The following DZANK1 variants were observed in gnomAD, a reference collection of about 807,000 sequenced individuals.
The protein encoded by DZANK1 is double zinc ribbon and ankyrin repeat domains 1, also known as double zinc ribbon and ankyrin repeat-containing protein 1.
In DZANK1, 91 loss-of-function variants were observed where a neutral mutation model predicts 94.5. That is an observed-to-expected ratio of 0.96 (90% CI 0.81 to 1.15). The LOEUF (loss-of-function observed/expected upper bound fraction) is 1.15. Ranked by LOEUF, DZANK1 falls within the 50% of genes most tolerant of loss-of-function variation. DZANK1 has a pLI of 0.00. For synonymous variants in DZANK1, 312 were observed against 325.3 expected (o/e 0.96, Z 0.44); for missense variants, 903 against 916.4 (o/e 0.99, Z 0.19).
chr20:18,414,729 C>T (rs1019123079), intron 11 of DZANK1, among the ~76,000 whole-genome samples: 7 of 152,318 alleles, frequency 4.6e-5, no homozygotes, highest in Middle Eastern at 3.4e-3. Context: ...AAACAACACA[C>T]ATGTCCAGCA....
intron 15 of DZANK1, among the ~76,000 whole-genome samples, chr20:18,396,077 G>A (rs1301071591): frequency 6.6e-6 from 1 of 152,194 alleles, no homozygotes; most frequent in East Asian, 1.9e-4. Context: ...CAGGCTCTGT[G>A]GCAATGCCCC....
In DZANK1 at chr20:18,394,497, T is replaced by A. The variant is rs2056216180; in HGVS notation, c.1612-147A>T. On this transcript the variant is annotated intron_variant, in intron 15 of 20. Transcript: ENST00000262547. ...GAGCCTGAGACCTGGATGTCCTTCCTGACTCCTCCTCACCTCCCCAGCATG... is the reference window on the plus strand; with the variant it reads ...GAGCCTGAGACCTGGATGTCCTTCCAGACTCCTCCTCACCTCCCCAGCATG... 3 of 801,252 alleles carry A rather than the reference T, an allele frequency of 3.7e-6. No homozygotes were observed. The South Asian group carries it at 4.4e-5, about 12-fold the overall frequency. The allele number at this position is 801,252 out of a possible 1,614,324, so 49.6% of individuals were successfully genotyped here. A position where few individuals can be genotyped will look rare whatever the true frequency, so the allele number is the denominator to read the frequency against.
chr20:18,451,989 A>G (rs779602276), intron 6 of DZANK1: 7 of 512,652 alleles, frequency 1.4e-5, no homozygotes, highest in South Asian at 9.9e-5. Flanking sequence ...ATTTACAATT[A>G]GAATAGAATT....
chr20:18,393,683 T>TCCACAAGGA (rs749344749), intron 17 of DZANK1, 28 bp downstream of exon 17: 1 of 1,448,294 alleles, frequency 6.9e-7, no homozygotes, highest in Non-Finnish European at 9.6e-7. Flanking sequence ...GAAGACAACA[T>TCCACAAGGA]CCACAAGGAC....
Position 18,392,032 on chromosome 20 carries a change from G to A in DZANK1, c.1810-1573C>T, listed in dbSNP as rs571555696. 8.5e-4 allele frequency among the ~76,000 whole-genome samples: 129 copies of A among 152,300 alleles called. 1 individual carries two copies. Among genetic ancestry groups the A allele is most frequent in the African/African-American group, 3.0e-3 (125 of 41,568 alleles). ...TTTGTTTAGGTTTTATTTTCAACAC[G>A]TAGAACAGTGCCTGGTACACGTGTG... On this transcript the variant is annotated intron_variant, in intron 17 of 20. Transcript: ENST00000262547.
intron 2 of DZANK1, among the ~76,000 whole-genome samples, chr20:18,464,838 G>A (rs2059591432): frequency 6.6e-6 from 1 of 151,888 alleles, no homozygotes; most frequent in African/African-American, 2.4e-5. Flanking sequence ...ACCATGTCTG[G>A]CTAATTTTTG....
intron 7 of DZANK1, among the ~76,000 whole-genome samples, chr20:18,448,478 T>TTACATACA (rs555198101): frequency 6.6e-6 from 1 of 152,110 alleles, no homozygotes; most frequent in African/African-American, 2.4e-5. Flanking sequence ...AGTGTCATGG[T>TTACATACA]TACATACATA....
Position 18,412,864 on chromosome 20 carries a change from G to A in DZANK1, c.1243-29C>T. On this transcript the variant is annotated intron_variant, in intron 12 of 20. Coordinates refer to ENST00000262547, the Ensembl canonical transcript of DZANK1. Reference sequence around the variant, plus strand: ...CCAGGCACATCGGGGCCATGCGTGAGGCAGAAGACATTTTTAAAATTAGAA... The same window carrying A: ...CCAGGCACATCGGGGCCATGCGTGAAGCAGAAGACATTTTTAAAATTAGAA... 1 of 1,603,374 alleles carries A rather than the reference G, an allele frequency of 6.2e-7. No individual in the cohort carries two copies. The highest frequency in any genetic ancestry group is 8.5e-7 in the Non-Finnish European group (1 of 1,173,530).
chr20:18,433,433 TCAGGA>T, intron 9 of DZANK1: 1 of 490,674 alleles, frequency 2.0e-6, no homozygotes, highest in Non-Finnish European at 3.7e-6. Flanking sequence ...TTCCAGCTAC[TCAGGA>T]GGCTGAGGCA....
chr20:18,465,319 A>G (rs6035051), exon 2 of DZANK1: 897,916 of 1,606,564 alleles, frequency 0.56, 252,319 homozygotes, highest in African/African-American at 0.59. Flanking sequence ...GGCACTCGTA[A>G]TGGTATGATC....
At chr20:18,415,350 A>G in exon 11 of DZANK1, 1 of 1,590,342 alleles carries the variant, frequency 6.3e-7, no homozygotes, top group Non-Finnish European at 8.6e-7. Context: ...CAGCCGCAGA[A>G]GGACGCCTCC....
chr20:18,448,723 T>C (rs939059225), intron 7 of DZANK1, among the ~76,000 whole-genome samples: 4 of 151,796 alleles, frequency 2.6e-5, no homozygotes, highest in Non-Finnish European at 5.9e-5. Flanking sequence ...AAAAATTAGC[T>C]GGGCGTGGTG....
intron 1 of DZANK1, chr20:18,465,597 G>C (rs895988920): frequency 1.3e-5 from 3 of 224,208 alleles, no homozygotes; most frequent in African/African-American, 6.9e-5. Context: ...TTCTGCGAAA[G>C]GAGCATGAAT....
At chr20:18,456,268 T>C (rs988877044) in intron 3 of DZANK1, among the ~76,000 whole-genome samples, 2 of 152,202 alleles carry the variant, frequency 1.3e-5, no homozygotes, top group African/African-American at 4.8e-5. Context: ...TTTCCATTCA[T>C]TCATAATATT....
intron 2 of DZANK1, among the ~76,000 whole-genome samples, chr20:18,463,537 G>T (rs2059545047): frequency 6.6e-6 from 1 of 152,100 alleles, no homozygotes; most frequent in African/African-American, 2.4e-5. Context: ...CATATCCTTT[G>T]CCCATTTTTC....
intron 10 of DZANK1, among the ~76,000 whole-genome samples, chr20:18,424,166 C>G (rs962206459): frequency 2.0e-5 from 3 of 152,062 alleles, no homozygotes; most frequent in Admixed American, 6.6e-5. Flanking sequence ...ATTGGTGATA[C>G]CGGCCGGGCG....
At position 18,449,664 on chromosome 20, in the gene DZANK1, A is replaced by G. The variant is rs553656731; in HGVS notation, c.544-595T>C. 3.3e-3 allele frequency among the ~76,000 whole-genome samples: 492 copies of G among 151,162 alleles called. 4 individuals carry two copies. The highest frequency in any genetic ancestry group is 0.012 in the African/African-American group (477 of 41,216). ...TCCCAGCTACTCGGGAGGCTGAAGC[A>G]GGAGAATCGCTTGAACCCAGGAGGT... On this transcript the variant is annotated intron_variant, in intron 6 of 20. Coordinates refer to ENST00000262547, the Ensembl canonical transcript of DZANK1.
chr20:18,425,260 A>G (rs943563072), intron 10 of DZANK1, among the ~76,000 whole-genome samples: 4 of 152,230 alleles, frequency 2.6e-5, no homozygotes, highest in African/African-American at 4.8e-5. Context: ...CGACATTAAA[A>G]GGTATCTTGT....
At chr20:18,414,035 T>C (rs1381946503) in intron 12 of DZANK1, among the ~76,000 whole-genome samples, 1 of 152,150 alleles carries the variant, frequency 6.6e-6, no homozygotes, top group African/African-American at 2.4e-5. Flanking sequence ...AAAAGCAATC[T>C]TATATACCCT....
Sources: allele counts gnomAD v4.1 joint callset (sites outside exome capture counted in the v4.1 genomes callset), GRCh38; gene constraint gnomAD v4.1.1; transcripts MANE v1.5; gene names NCBI Gene and HGNC (gene_info 2026-07-23, HGNC 2026-07-21).